The following RYR1 variants were observed in gnomAD, a reference collection of about 807,000 sequenced individuals.
RYR1 encodes central core disease of muscle.
Under a neutral mutation model 583.5 loss-of-function variants are expected in RYR1, and 342 were observed. That is an observed-to-expected ratio of 0.59 (90% CI 0.54 to 0.64). The LOEUF is 0.64. RYR1 is among the 30% of genes least tolerant of loss of function. The probability of loss-of-function intolerance (pLI) is 0.00; values close to 1 mark genes in which losing one functional copy is unlikely to be tolerated. For synonymous variants in RYR1, 2,791 were observed against 2,822.5 expected (o/e 0.99, Z 0.35); for missense variants, 6,032 against 6,917.2 (o/e 0.87, Z 4.54).
chr19:38,502,799 AGGGGCAGGGGGAGGAGCAGGGGCAGGGG>A, intron 48 of RYR1, 53 bp from the exon 49 acceptor site: 1 of 406,252 alleles, frequency 2.5e-6, no homozygotes. Flanking sequence ...GGGCAGGGGC[AGGGGCAGGGGGAGGAGCAGGGGCAGGGG>A]CAGCAGAGCG....
At chr19:38,580,264 G>C (rs1974139750) in intron 100 of RYR1, 106 bp from the exon 101 acceptor site, 43 of 1,586,680 alleles carry the variant, frequency 2.7e-5, no homozygotes, top group Non-Finnish European at 3.7e-5. Flanking sequence ...GTGTGGGGCA[G>C]CAAGGTAGAG....
chr19:38,489,039 C>A, intron 34 of RYR1, 138 bp from the exon 35 acceptor site: 1 of 805,714 alleles, frequency 1.2e-6, no homozygotes, highest in South Asian at 1.4e-5. Flanking sequence ...GGATGCCATT[C>A]CTGCTGTGGG....
rs1032364286 is a variant in RYR1, at chr19:38,440,860, C to T, written c.161C>T (p.Ala54Val). 10 of 1,611,950 alleles carry T rather than the reference C, an allele frequency of 6.2e-6. No individual in the cohort carries two copies. The highest frequency in any genetic ancestry group is 2.2e-5 in the South Asian group (2 of 90,758). The change falls in exon 2 of 106, where the codon GCG becomes GTG. Residue 54 changes from alanine to valine, a missense_variant. Ala to Val is a moderately conservative substitution (Grantham distance 64, BLOSUM62 0). Transcript: ENST00000359596. ...TGCTTCCTGGAGCCCACTAGCAACG[C>T]GCAGGTCTGTGCAGGAGGGAGAGGG... ...RLCFLEPTSN[A>V]QNVPPDLAIC...
Position 38,477,802 on chromosome 19 carries a change from C to G in RYR1, c.4386C>G (p.Ser1462Arg). The G allele has an allele frequency of 6.2e-7, 1 of 1,612,168 alleles. No homozygotes were observed. The highest frequency in any genetic ancestry group is 8.5e-7 in the Non-Finnish European group (1 of 1,178,954). Reference sequence around the variant, plus strand: ...CTGACTACCATCAGCACGACATGAGCTTCGACCTCAGCAAGGTCCGGGTCG... The same window carrying G: ...CTGACTACCATCAGCACGACATGAGGTTCGACCTCAGCAAGGTCCGGGTCG... ...VTPDYHQHDM[S>R]FDLSKVRVVT... is the part of the protein sequence containing the mutation. The change falls in exon 30 of 106, where the codon AGC (serine) becomes AGG (arginine). Residue 1462 changes from serine to arginine, a missense_variant. Ser to Arg is a moderately radical substitution (Grantham distance 110). Transcript: ENST00000359596.
chr19:38,466,344 G>T lies in RYR1; in HGVS notation c.3124G>T (p.Val1042Leu), dbSNP rs540088339. 17 of 1,593,920 alleles carry T rather than the reference G, an allele frequency of 1.1e-5. No individual in the cohort carries two copies. Among genetic ancestry groups the T allele is most frequent in the Non-Finnish European group, 1.2e-5 (14 of 1,172,102 alleles). The change falls in exon 24 of 106, where the codon GTG (valine) becomes TTG (leucine). Residue 1042 changes from valine to leucine, a missense_variant. Val to Leu is a conservative substitution (Grantham distance 32). This residue lies in a region of RYR1 where 2,627 missense variants were observed against 2,961.3 expected (regional missense o/e 0.89). Transcript: ENST00000359596. ...CAACCGGGACAGCCTCTGCCAGGCC[G>T]TGCGCACCCTCCTGGGCTACGGCTA... ...RSNRDSLCQA[V>L]RTLLGYGYNI...
intron 1 of RYR1, among the ~76,000 whole-genome samples, chr19:38,435,658 C>G (rs1452908362): frequency 6.6e-6 from 1 of 152,118 alleles, no homozygotes; most frequent in East Asian, 1.9e-4. Flanking sequence ...ATTGCTTGAA[C>G]CTGGGAGGCA....
At position 38,567,295 on chromosome 19, in the gene RYR1, C is replaced by T. The variant is rs73933024; in HGVS notation, c.13514+308C>T. Among the ~76,000 whole-genome samples the T allele has an allele frequency of 8.4e-3, 1,274 of 152,084 alleles. 19 individuals carry two copies. Among genetic ancestry groups the T allele is most frequent in the African/African-American group, 0.029 (1,219 of 41,446 alleles). ...GAGCCCTGATCGCAGCATTGCCCTC[C>T]AGCCTGGGTGACAGAGCAAGACCCT... On this transcript the variant is annotated intron_variant, in intron 92 of 105. Transcript: ENST00000359596.
chr19:38,477,927 GA>G, intron 30 of RYR1, 57 bp downstream of exon 30: 1 of 1,537,070 alleles, frequency 6.5e-7, no homozygotes, highest in Non-Finnish European at 8.9e-7. Context: ...GAGGCAGTCA[GA>G]GCTCCCGACA....
chr19:38,545,690 T>C (rs191057491), intron 87 of RYR1, among the ~76,000 whole-genome samples: 1 of 152,300 alleles, frequency 6.6e-6, no homozygotes, highest in Admixed American at 6.5e-5. Flanking sequence ...CGCATGCCTG[T>C]AATCCAGCTA....
At chr19:38,576,476 G>T (rs1973960963) in intron 97 of RYR1, among the ~76,000 whole-genome samples, 1 of 151,786 alleles carries the variant, frequency 6.6e-6, no homozygotes, top group African/African-American at 2.4e-5. Context: ...CAAAAAATAA[G>T]AAAGCATAGC....
At chr19:38,519,616 T>C (rs1971133707) in intron 67 of RYR1, among the ~76,000 whole-genome samples, 162 bp downstream of exon 67, 1 of 152,212 alleles carries the variant, frequency 6.6e-6, no homozygotes, top group African/African-American at 2.4e-5. Context: ...TTGAGCACAT[T>C]GGTCCAACGA....
At chr19:38,473,841 A>ACTTGAGAAACCCCCATTGTAC in intron 28 of RYR1, 70 bp downstream of exon 28, 1 of 1,160,208 alleles carries the variant, frequency 8.6e-7, no homozygotes, top group Admixed American at 2.9e-5. Context: ...AACCACAGTA[A>ACTTGAGAAACCCCCATTGTAC]CCTGAGAAAC....
intron 89 of RYR1, among the ~76,000 whole-genome samples, chr19:38,560,456 C>T (rs1045314497): frequency 4.0e-5 from 6 of 151,076 alleles, no homozygotes; most frequent in South Asian, 4.2e-4. Flanking sequence ...TGGCTGGGCG[C>T]GGTGGCACAC....
At chr19:38,503,160 G>C (rs1970278141) in intron 49 of RYR1, among the ~76,000 whole-genome samples, 190 bp downstream of exon 49, 2 of 152,078 alleles carry the variant, frequency 1.3e-5, no homozygotes, top group Non-Finnish European at 2.9e-5. Flanking sequence ...CATTCACTTT[G>C]CTTCATTGAT....
chr19:38,488,380 C>A (rs932118142), intron 34 of RYR1, among the ~76,000 whole-genome samples: 1 of 152,110 alleles, frequency 6.6e-6, no homozygotes, highest in African/African-American at 2.4e-5. Flanking sequence ...CATTCCGACT[C>A]GGGATTCATC....
At chr19:38,521,675 C>T (rs953158576) in intron 67 of RYR1, among the ~76,000 whole-genome samples, 1 of 148,178 alleles carries the variant, frequency 6.7e-6, no homozygotes, top group East Asian at 2.0e-4. Context: ...CCAGCCTGGG[C>T]GACAGAGCGA....
intron 18 of RYR1, 44 bp downstream of exon 18, chr19:38,458,336 C>A (rs1480273206): frequency 5.0e-6 from 8 of 1,585,518 alleles, no homozygotes; most frequent in Non-Finnish European, 6.1e-6. Flanking sequence ...GACCATTGAC[C>A]CCAGCATTTC....
At chr19:38,536,403 C>A (rs1971971256) in intron 82 of RYR1, among the ~76,000 whole-genome samples, 1 of 151,120 alleles carries the variant, frequency 6.6e-6, no homozygotes, top group Non-Finnish European at 1.5e-5. Context: ...TGTCCCTAAT[C>A]CGGGTTAATC....
At chr19:38,536,413 C>T (rs974793379) in intron 82 of RYR1, among the ~76,000 whole-genome samples, 2 of 151,438 alleles carry the variant, frequency 1.3e-5, no homozygotes, top group East Asian at 1.9e-4. Context: ...CCGGGTTAAT[C>T]GCGTCTCCTC....
Sources: allele counts gnomAD v4.1 joint callset (sites outside exome capture counted in the v4.1 genomes callset), GRCh38; gene constraint gnomAD v4.1.1; regional missense constraint gnomAD v4.1.1; transcripts MANE v1.5; gene names NCBI Gene and HGNC (gene_info 2026-07-23, HGNC 2026-07-21).